The following NRG1 variants were observed in gnomAD, a reference collection of about 807,000 sequenced individuals.
NRG1 encodes neuregulin 1.
A neutral mutation model predicts 63.8 loss-of-function variants in NRG1; 18 were observed. The observed-to-expected ratio is 0.28, with a 90% confidence interval of 0.19 to 0.42. The LOEUF is 0.42. Ranked by LOEUF, NRG1 falls within the 10% of genes least tolerant of loss-of-function variation. NRG1 has a pLI of 1.00. For synonymous variants in NRG1, 302 were observed against 301.3 expected (o/e 1.00, Z -0.02); for missense variants, 762 against 814.7 (o/e 0.94, Z 0.79).
At chr8:32,227,648 C>A (rs1237732360) in intron 1 of NRG1, among the ~76,000 whole-genome samples, 1 of 152,142 alleles carries the variant, frequency 6.6e-6, no homozygotes, top group Non-Finnish European at 1.5e-5. Flanking sequence ...TTACTTTTCA[C>A]ATGAGTCAAG....
intron 1 of NRG1, among the ~76,000 whole-genome samples, chr8:31,848,118 C>T (rs1410964928): frequency 6.6e-6 from 1 of 152,068 alleles, no homozygotes; most frequent in Non-Finnish European, 1.5e-5. Flanking sequence ...TGGGGGAAGG[C>T]CGGTAATTCA....
chr8:32,561,132 C>T (rs1417114029), intron 1 of NRG1, among the ~76,000 whole-genome samples: 1 of 152,136 alleles, frequency 6.6e-6, no homozygotes, highest in Non-Finnish European at 1.5e-5. Context: ...CACTAGAACC[C>T]AGATCTCCAG....
rs565993086 is a variant in NRG1, at chr8:32,735,638, T to A, written c.633-7037T>A. ...GATATGTCATTGTGTCACAATGACG[T>A]GGAGATGTATGGGATGTAGATTGAT... is the stretch of plus-strand genomic sequence containing the variant. On this transcript the variant is annotated intron_variant, in intron 6 of 11. Transcript: ENST00000356819. Among the ~76,000 whole-genome samples, 53 of 152,246 alleles carry A rather than the reference T, an allele frequency of 3.5e-4. No individual in the cohort carries two copies. In the South Asian group the frequency reaches 0.011, roughly 31 times the overall value.
chr8:31,798,703 G>A (rs758514800), intron 1 of NRG1, among the ~76,000 whole-genome samples: 22 of 152,052 alleles, frequency 1.4e-4, no homozygotes, highest in Non-Finnish European at 2.5e-4. Context: ...ATATGATATA[G>A]CATAATTATT....
At chr8:31,768,142 T>C (rs527443436) in intron 1 of NRG1, among the ~76,000 whole-genome samples, 25 of 152,324 alleles carry the variant, frequency 1.6e-4, no homozygotes, top group African/African-American at 5.5e-4. Flanking sequence ...GAAGGAGTTA[T>C]ATTTTTTTTA....
chr8:31,900,662 G>A (rs756567222), intron 1 of NRG1, among the ~76,000 whole-genome samples: 19 of 152,130 alleles, frequency 1.2e-4, no homozygotes, highest in Non-Finnish European at 2.5e-4. Flanking sequence ...ATCTTCTTTT[G>A]TAAACTACAT....
chr8:31,921,954 A>G (rs984636781), intron 1 of NRG1, among the ~76,000 whole-genome samples: 4 of 152,120 alleles, frequency 2.6e-5, no homozygotes, highest in Non-Finnish European at 5.9e-5. Context: ...AGGAAAAGAA[A>G]TTTCTCTTTC....
chr8:32,452,123 C>T (rs566835823), intron 1 of NRG1, among the ~76,000 whole-genome samples: 1 of 152,260 alleles, frequency 6.6e-6, no homozygotes, highest in African/African-American at 2.4e-5. Context: ...CCACCGTGCC[C>T]AGCCCTAACT....
intron 1 of NRG1, among the ~76,000 whole-genome samples, chr8:31,740,807 A>G (rs774612949): frequency 8.6e-5 from 13 of 151,998 alleles, no homozygotes; most frequent in Admixed American, 2.0e-4. Context: ...GAAAGTTAAG[A>G]CAAGAACTCT....
At chr8:32,614,549 G>A (rs201903535) in exon 4 of NRG1, 3 of 1,612,258 alleles carry the variant, frequency 1.9e-6, no homozygotes, top group East Asian at 2.2e-5. Context: ...AACTGAAGGA[G>A]CATATGTGTC....
intron 1 of NRG1, among the ~76,000 whole-genome samples, chr8:32,281,418 T>C (rs1297647171): frequency 1.3e-5 from 2 of 151,964 alleles, no homozygotes; most frequent in Admixed American, 1.3e-4. Context: ...CCTCAGGTGA[T>C]CTGCCTGCCT....
chr8:31,718,917 G>T (rs1812628825), intron 1 of NRG1, among the ~76,000 whole-genome samples: 1 of 152,220 alleles, frequency 6.6e-6, no homozygotes, highest in African/African-American at 2.4e-5. Context: ...TATGGTAAAA[G>T]GTGCTACATG....
chr8:32,154,655 T>G (rs1837862775), intron 1 of NRG1, among the ~76,000 whole-genome samples: 3 of 152,234 alleles, frequency 2.0e-5, no homozygotes, highest in Non-Finnish European at 1.5e-5. Context: ...AATGTTGAAG[T>G]CACATCAAAT....
intron 1 of NRG1, among the ~76,000 whole-genome samples, chr8:32,565,823 T>C (rs866909591): frequency 6.6e-6 from 1 of 152,192 alleles, no homozygotes; most frequent in Non-Finnish European, 1.5e-5. Context: ...CTTCTGTGCT[T>C]GATGGTTGGT....
chr8:32,161,669 T>C (rs935412890), intron 1 of NRG1, among the ~76,000 whole-genome samples: 1 of 152,204 alleles, frequency 6.6e-6, no homozygotes, highest in African/African-American at 2.4e-5. Flanking sequence ...TTGTATCTTG[T>C]TGGTATAAAT....
intron 5 of NRG1, among the ~76,000 whole-genome samples, chr8:32,687,266 T>C (rs907712365): frequency 1.3e-5 from 2 of 152,190 alleles, no homozygotes; most frequent in African/African-American, 2.4e-5. Flanking sequence ...TGGTATCATC[T>C]GTGGGAATTT....
intron 1 of NRG1, among the ~76,000 whole-genome samples, chr8:32,447,944 A>AT (rs1354056419): frequency 2.0e-5 from 3 of 152,036 alleles, no homozygotes; most frequent in African/African-American, 7.2e-5. Flanking sequence ...CCTTATGATA[A>AT]TTTTTTCCAA....
chr8:32,591,424 C>T (rs1404390659), intron 1 of NRG1, among the ~76,000 whole-genome samples: 2 of 152,078 alleles, frequency 1.3e-5, no homozygotes, highest in East Asian at 3.9e-4. Flanking sequence ...GACCTTGGAT[C>T]TGAAGGTCTC....
chr8:32,408,612 G>A (rs931004843), intron 1 of NRG1, among the ~76,000 whole-genome samples: 5 of 150,880 alleles, frequency 3.3e-5, no homozygotes, highest in African/African-American at 9.7e-5. Context: ...GTGCATGATG[G>A]TGGGGGAAGA....
Sources: allele counts gnomAD v4.1 joint callset (sites outside exome capture counted in the v4.1 genomes callset), GRCh38; gene constraint gnomAD v4.1.1; transcripts MANE v1.5; gene names NCBI Gene and HGNC (gene_info 2026-07-23, HGNC 2026-07-21).